Variants in MEOX2 observed in about 807,000 individuals in gnomAD.
MEOX2 encodes homeobox protein MOX-2.
Under a neutral mutation model 27.0 loss-of-function variants are expected in MEOX2, and 11 were observed. The ratio of observed to expected loss-of-function variants is 0.41; its 90% CI spans 0.26 to 0.68. The LOEUF (loss-of-function observed/expected upper bound fraction) is 0.68, where lower values mean the gene tolerates loss of function less well. Among genes scored for constraint, MEOX2 ranks in the 30% least tolerant of loss-of-function variants. The probability of loss-of-function intolerance (pLI) is 0.33; values close to 1 mark genes in which losing one functional copy is unlikely to be tolerated. For synonymous variants in MEOX2, 189 were observed against 155.4 expected, an observed-to-expected ratio of 1.22 and a Z score of -1.61; for missense variants, 436 against 385.4, an observed-to-expected ratio of 1.13 and a Z score of -1.10.
At chr7:15,660,795 G>A (rs1240215973) in intron 1 of MEOX2, among the ~76,000 whole-genome samples, 1 of 152,024 alleles carries the variant, frequency 6.6e-6, no homozygotes, top group Non-Finnish European at 1.5e-5. Flanking sequence ...GCCGAGGCAG[G>A]CAGATCACCT....
intron 2 of MEOX2, among the ~76,000 whole-genome samples, chr7:15,618,924 C>T (rs1218260634): frequency 1.3e-5 from 2 of 151,828 alleles, no homozygotes; most frequent in Non-Finnish European, 2.9e-5. Context: ...ATACGTTCAT[C>T]ATAAAAAATT....
At chr7:15,667,193 A>G (rs1368519331) in intron 1 of MEOX2, among the ~76,000 whole-genome samples, 1 of 146,102 alleles carries the variant, frequency 6.8e-6, no homozygotes, top group Non-Finnish European at 1.5e-5. Context: ...TGGGAAGCTG[A>G]GGCAAGAGGA....
intron 1 of MEOX2, among the ~76,000 whole-genome samples, chr7:15,655,959 A>T (rs1313977169): frequency 6.6e-6 from 1 of 151,800 alleles, no homozygotes; most frequent in Non-Finnish European, 1.5e-5. Context: ...AAAATCTCCA[A>T]CTATAATAAT....
intron 1 of MEOX2, among the ~76,000 whole-genome samples, chr7:15,636,134 T>C (rs935670180): frequency 6.6e-6 from 1 of 151,956 alleles, no homozygotes; most frequent in African/African-American, 2.4e-5. Context: ...TCTAAATGGA[T>C]TTTTAGAAGA....
chr7:15,645,875 G>T (rs922106480), intron 1 of MEOX2, among the ~76,000 whole-genome samples: 1 of 152,114 alleles, frequency 6.6e-6, no homozygotes, highest in Non-Finnish European at 1.5e-5. Flanking sequence ...ACAAGCATTT[G>T]TGTGTGCATA....
intron 1 of MEOX2, chr7:15,681,452 T>G (rs1027094323): frequency 1.3e-5 from 2 of 150,640 alleles, no homozygotes; most frequent in African/African-American, 2.5e-5. Context: ...TATTAATTCA[T>G]CTATAGATTT....
chr7:15,672,716 C>A (rs768185954), intron 1 of MEOX2, among the ~76,000 whole-genome samples: 32 of 151,842 alleles, frequency 2.1e-4, no homozygotes, highest in Admixed American at 3.9e-4. Flanking sequence ...AATGGTGAAA[C>A]CCCATCTCTA....
intron 1 of MEOX2, among the ~76,000 whole-genome samples, chr7:15,671,770 A>C (rs1311619434): frequency 6.6e-6 from 1 of 152,108 alleles, no homozygotes; most frequent in South Asian, 2.1e-4. Context: ...AAATTGGTCA[A>C]TTTGGGCTGG....
intron 1 of MEOX2, among the ~76,000 whole-genome samples, chr7:15,663,421 C>T (rs970044187): frequency 3.9e-5 from 6 of 151,942 alleles, no homozygotes; most frequent in Non-Finnish European, 5.9e-5. Flanking sequence ...AAACCTCCTC[C>T]TCCCGGGTTT....
At chr7:15,623,026 A>T (rs1781244647) in intron 2 of MEOX2, among the ~76,000 whole-genome samples, 1 of 152,192 alleles carries the variant, frequency 6.6e-6, no homozygotes, top group Non-Finnish European at 1.5e-5. Context: ...CATCCTCCAG[A>T]ACTGTGAGAA....
At chr7:15,658,822 C>G (rs187231392) in intron 1 of MEOX2, among the ~76,000 whole-genome samples, 1 of 152,304 alleles carries the variant, frequency 6.6e-6, no homozygotes, top group Non-Finnish European at 1.5e-5. Flanking sequence ...ATCTGCCACC[C>G]TGAACTTAGT....
Position 15,619,052 on chromosome 7 carries a change from A to T in MEOX2, c.691-6441T>A, listed in dbSNP as rs370421630. ...ATTGGTACAAAGTCGTTTATAGTCA[A>T]AGTCTCTAGAAAATTGTCAGTTCTC... is the stretch of plus-strand genomic sequence containing the variant. On this transcript the variant is annotated intron_variant, in intron 2 of 2. Coordinates refer to ENST00000262041, the MANE Select transcript of MEOX2 (RefSeq NM_005924.5). Among the ~76,000 whole-genome samples the T allele has an allele frequency of 2.6e-5, 4 of 152,002 alleles. 1 individual carries two copies. Among genetic ancestry groups the T allele is most frequent in the East Asian group, 3.9e-4 (2 of 5,190 alleles).
At chr7:15,656,669 C>A (rs1437449952) in intron 1 of MEOX2, among the ~76,000 whole-genome samples, 1 of 151,812 alleles carries the variant, frequency 6.6e-6, no homozygotes, top group Non-Finnish European at 1.5e-5. Context: ...CCTTTATATT[C>A]ATTTTAAAAC....
At chr7:15,643,763 GT>G (rs1400232124) in intron 1 of MEOX2, among the ~76,000 whole-genome samples, 3 of 152,310 alleles carry the variant, frequency 2.0e-5, no homozygotes, top group South Asian at 2.1e-4. Context: ...ACTCTTCTCT[GT>G]TTTCTAACAA....
chr7:15,622,746 A>G (rs1185961737), intron 2 of MEOX2, among the ~76,000 whole-genome samples: 1 of 152,188 alleles, frequency 6.6e-6, no homozygotes, highest in Non-Finnish European at 1.5e-5. Context: ...TAGCCATGCT[A>G]TGGTCTAAAT....
chr7:15,666,375 C>G (rs990147897), intron 1 of MEOX2, among the ~76,000 whole-genome samples: 6 of 152,090 alleles, frequency 3.9e-5, no homozygotes, highest in African/African-American at 1.4e-4. Flanking sequence ...CTAATGATGT[C>G]CTAGGAATTG....
At chr7:15,615,990 T>C (rs2115353155) in intron 2 of MEOX2, among the ~76,000 whole-genome samples, 1 of 152,118 alleles carries the variant, frequency 6.6e-6, no homozygotes, top group South Asian at 2.1e-4. Context: ...GAATATGGTA[T>C]TGATTTTAGA....
intron 2 of MEOX2, among the ~76,000 whole-genome samples, chr7:15,617,614 T>C (rs772708055): frequency 3.9e-5 from 6 of 152,092 alleles, no homozygotes; most frequent in Non-Finnish European, 5.9e-5. Flanking sequence ...AAAAGCTTAT[T>C]GGAGCCACTA....
intron 1 of MEOX2, among the ~76,000 whole-genome samples, chr7:15,660,084 G>T (rs1382636251): frequency 6.6e-6 from 1 of 152,134 alleles, no homozygotes; most frequent in Non-Finnish European, 1.5e-5. Context: ...ATGAGCTAAG[G>T]ATGGCTTCTA....
Sources: gnomAD v4.1 joint callset for allele counts (sites outside exome capture counted in the v4.1 genomes callset) on GRCh38, gnomAD v4.1.1 for gene constraint, MANE v1.5 for transcripts, NCBI Gene and HGNC (gene_info 2026-07-23, HGNC 2026-07-21) for gene names.